AKT3: variants seen among roughly 807,000 people sequenced by gnomAD.
AKT3 encodes RAC-gamma serine/threonine-protein kinase.
A neutral mutation model predicts 65.3 loss-of-function variants in AKT3; 15 were observed. The ratio of observed to expected loss-of-function variants is 0.23; its 90% CI spans 0.15 to 0.35. AKT3 has a LOEUF of 0.35. Among genes scored for constraint, AKT3 ranks in the 10% least tolerant of loss-of-function variants. The pLI, the probability that AKT3 is intolerant of heterozygous loss-of-function variation, is 1.00. For missense variants in AKT3, 243 were observed against 576.5 expected (o/e 0.42, Z 5.92); for synonymous variants, 206 against 183.8 (o/e 1.12, Z -0.98).
intron 8 of AKT3, chr1:243,612,338 C>T (rs995300711): frequency 2.0e-5 from 3 of 152,086 alleles, no homozygotes; most frequent in African/African-American, 7.2e-5. Flanking sequence ...CGGTCTCAAA[C>T]TCCTGAGCTC....
At chr1:243,755,994 G>A (rs1333401750) in intron 2 of AKT3, among the ~76,000 whole-genome samples, 1 of 152,216 alleles carries the variant, frequency 6.6e-6, no homozygotes, top group Non-Finnish European at 1.5e-5. Context: ...CAGCATGATT[G>A]AGAGATTGGT....
chr1:243,550,592 C>T (rs1032713502), intron 11 of AKT3, among the ~76,000 whole-genome samples: 1 of 151,652 alleles, frequency 6.6e-6, no homozygotes, highest in African/African-American at 2.4e-5. Flanking sequence ...AATAAGAAAA[C>T]GATGAGATAA....
intron 2 of AKT3, among the ~76,000 whole-genome samples, chr1:243,747,722 G>C (rs1688561752): frequency 6.6e-6 from 1 of 152,056 alleles, no homozygotes; most frequent in Non-Finnish European, 1.5e-5. Context: ...AATTACCATA[G>C]AAAACCACAT....
At chr1:243,656,071 C>A (rs1355748621) in intron 4 of AKT3, among the ~76,000 whole-genome samples, 1 of 142,304 alleles carries the variant, frequency 7.0e-6, no homozygotes, top group Non-Finnish European at 1.5e-5. Context: ...GATACTTAAA[C>A]TATAACCCTA....
At chr1:243,583,557 G>GA (rs977215298) in intron 8 of AKT3, among the ~76,000 whole-genome samples, 12 of 38,848 alleles carry the variant, frequency 3.1e-4, no homozygotes, top group South Asian at 1.7e-3. Context: ...AAAAAAAAAA[G>GA]AAAAAAAAAA....
intron 2 of AKT3, among the ~76,000 whole-genome samples, chr1:243,813,668 C>T (rs1693330747): frequency 6.6e-6 from 1 of 152,020 alleles, no homozygotes; most frequent in Admixed American, 6.6e-5. Context: ...CCATATTAGG[C>T]ATAATTATGA....
At position 243,777,981 on chromosome 1, in the gene AKT3, CTAAA is replaced by C. The variant is rs1479516775; in HGVS notation, c.46+65140_46+65143del. Among the ~76,000 whole-genome samples, 3 of 152,146 alleles carry C rather than the reference CTAAA, an allele frequency of 2.0e-5. 1 individual carries two copies. In the East Asian group the frequency reaches 5.8e-4, roughly 29 times the overall value. ...GCTACCCCTACATTATCTGGGGCTC[CTAAA>C]TAGGCCCTGTTAGAATGTTTCCATC... On this transcript the variant is annotated intron_variant, in intron 2 of 13. Coordinates refer to ENST00000673466, the MANE Select transcript of AKT3 (RefSeq NM_005465.7).
intron 2 of AKT3, among the ~76,000 whole-genome samples, chr1:243,733,622 C>G (rs768714075): frequency 6.6e-6 from 1 of 152,094 alleles, no homozygotes. Context: ...ATCTCAGAGA[C>G]CTTTTGGGTT....
At chr1:243,488,268 T>A (rs930677030) in exon 14 of AKT3, 4 of 152,504 alleles carry the variant, frequency 2.6e-5, no homozygotes, top group African/African-American at 9.6e-5. Context: ...TGAGCTTTAA[T>A]GGCCTTTTCC....
intron 3 of AKT3, among the ~76,000 whole-genome samples, chr1:243,685,170 G>A (rs1684201596): frequency 1.3e-5 from 2 of 152,118 alleles, no homozygotes; most frequent in Non-Finnish European, 2.9e-5. Flanking sequence ...AATCCCGTTT[G>A]TCAATTTTGG....
In AKT3 at chr1:243,567,069, C is replaced by T. The variant is rs981563586; in HGVS notation, c.820-3221G>A. Among the ~76,000 whole-genome samples the T allele has an allele frequency of 1.3e-5, 2 of 152,264 alleles. 1 individual carries two copies. Among genetic ancestry groups the T allele is most frequent in the South Asian group, 4.2e-4 (2 of 4,812 alleles). ...CTGAGGCAGGCAGATCGCTTGAGCTCAGGAGTTCAAGACCAGCCTGGGCAA... is the reference window on the plus strand; with the variant it reads ...CTGAGGCAGGCAGATCGCTTGAGCTTAGGAGTTCAAGACCAGCCTGGGCAA... On this transcript the variant is annotated intron_variant, in intron 9 of 13. Coordinates refer to ENST00000673466, the MANE Select transcript of AKT3 (RefSeq NM_005465.7).
At chr1:243,844,372 A>C (rs894106644) in intron 1 of AKT3, among the ~76,000 whole-genome samples, 1 of 152,254 alleles carries the variant, frequency 6.6e-6, no homozygotes, top group Non-Finnish European at 1.5e-5. Flanking sequence ...AAGAAGTCAG[A>C]GTAAAGGCAT....
In AKT3 at chr1:243,504,996, TAGTA is replaced by T; in HGVS notation, c.*249_*252del. ...AAATTACTTCTTAAAGTTGCTATAA[TAGTA>T]AGACAGTAGCAGCAACAGCATGAGA... On this transcript the variant is annotated 3_prime_UTR_variant, in exon 14 of 14. Coordinates refer to ENST00000673466, the MANE Select transcript of AKT3 (RefSeq NM_005465.7). 1 of 468,490 alleles carries T rather than the reference TAGTA, an allele frequency of 2.1e-6. No homozygotes were observed. The highest frequency in any genetic ancestry group is 3.8e-6 in the Non-Finnish European group (1 of 265,336). The allele number at this position is 468,490 out of a possible 1,614,324, so 29.0% of individuals were successfully genotyped here. A position where few individuals can be genotyped will look rare whatever the true frequency, so the allele number is the denominator to read the frequency against.
At chr1:243,534,464 G>A (rs1008457891) in intron 12 of AKT3, among the ~76,000 whole-genome samples, 1 of 152,126 alleles carries the variant, frequency 6.6e-6, no homozygotes, top group African/African-American at 2.4e-5. Context: ...AGTCAGTTAA[G>A]GACATAACTG....
At chr1:243,721,462 T>C (rs990633134) in intron 2 of AKT3, among the ~76,000 whole-genome samples, 8 of 152,164 alleles carry the variant, frequency 5.3e-5, no homozygotes, top group Non-Finnish European at 4.4e-5. Context: ...TTGTCCCATA[T>C]GTTTGGGGTC....
intron 8 of AKT3, among the ~76,000 whole-genome samples, chr1:243,603,680 C>G (rs1677182788): frequency 6.6e-6 from 1 of 152,144 alleles, no homozygotes; most frequent in African/African-American, 2.4e-5. Context: ...GGCTGCCACA[C>G]TAGGTGCCTC....
chr1:243,704,450 T>A (rs1374841021), intron 2 of AKT3, among the ~76,000 whole-genome samples: 1 of 152,204 alleles, frequency 6.6e-6, no homozygotes, highest in African/African-American at 2.4e-5. Context: ...ATTAAAATTT[T>A]AAGTGAAAAT....
chr1:243,774,347 G>C (rs1490165239), intron 2 of AKT3, among the ~76,000 whole-genome samples: 2 of 152,052 alleles, frequency 1.3e-5, no homozygotes, highest in Non-Finnish European at 2.9e-5. Flanking sequence ...CTACAATACT[G>C]CTTTGTGTAT....
At chr1:243,712,334 C>G (rs1686216945) in intron 2 of AKT3, among the ~76,000 whole-genome samples, 1 of 152,066 alleles carries the variant, frequency 6.6e-6, no homozygotes, top group Non-Finnish European at 1.5e-5. Flanking sequence ...TAGACCTGAC[C>G]TCTATTTCTT....
Sources: allele counts gnomAD v4.1 joint callset (sites outside exome capture counted in the v4.1 genomes callset), GRCh38; gene constraint gnomAD v4.1.1; transcripts MANE v1.5; gene names NCBI Gene and HGNC (gene_info 2026-07-23, HGNC 2026-07-21).